Variants in UNC45A observed in about 807,000 individuals in gnomAD.
The protein encoded by UNC45A is unc-45 myosin chaperone A.
In UNC45A, 78 loss-of-function variants were observed where a neutral mutation model predicts 103.2. The ratio of observed to expected loss-of-function variants is 0.76; its 90% CI spans 0.63 to 0.91. The LOEUF (loss-of-function observed/expected upper bound fraction) is 0.91. Among genes scored for constraint, UNC45A ranks in the 40% least tolerant of loss-of-function variants. UNC45A has a pLI of 0.00. For missense variants in UNC45A, 1,193 were observed against 1,224.8 expected (o/e 0.97, Z 0.39); for synonymous variants, 495 against 504.6 (o/e 0.98, Z 0.25).
chr15:90,938,484 G>A (rs1366799163), intron 4 of UNC45A, among the ~76,000 whole-genome samples: 1 of 151,994 alleles, frequency 6.6e-6, no homozygotes, highest in Non-Finnish European at 1.5e-5. Flanking sequence ...CCTATGTTGA[G>A]AAGAATTAGG....
chr15:90,939,477 C>G (rs577391065), intron 4 of UNC45A, among the ~76,000 whole-genome samples: 1 of 152,176 alleles, frequency 6.6e-6, no homozygotes, highest in African/African-American at 2.4e-5. Context: ...ACCTCCCCTC[C>G]GAAAAGGCAC....
chr15:90,953,959 C>T lies in UNC45A; in HGVS notation c.*243C>T, dbSNP rs2037079080. On this transcript the variant is annotated 3_prime_UTR_variant, in exon 20 of 20. Transcript: ENST00000418476. Reference sequence around the variant, plus strand: ...CCTTTTTCTGTACTACTGTAGTCAGCTGGGAATGGGGAAGGTGCATCCCAA... The same window carrying T: ...CCTTTTTCTGTACTACTGTAGTCAGTTGGGAATGGGGAAGGTGCATCCCAA... 3.5e-6 allele frequency: 2 copies of T among 567,172 alleles called. No individual in the cohort carries two copies. The highest frequency in any genetic ancestry group is 6.2e-6 in the Non-Finnish European group (2 of 321,486). 35.1% of individuals were successfully genotyped at this position (567,172 alleles called of 1,614,324 possible). A position where few individuals can be genotyped will look rare whatever the true frequency, so the allele number is the denominator to read the frequency against.
Position 90,940,421 on chromosome 15 carries a change from T to G in UNC45A, c.635T>G (p.Met212Arg). ...CTGGACATGGGAGAGACTGACCTCA[T>G]GCTGGCGGCTCTGCGTACGCTGGTT... ...RLLDMGETDL[M>R]LAALRTLVGI... is the part of the protein sequence containing the mutation. The change falls in exon 6 of 20, where the codon ATG becomes AGG. Residue 212 changes from methionine (M) to arginine (R), a missense_variant. Coordinates refer to ENST00000418476, the MANE Select transcript of UNC45A (RefSeq NM_018671.5). 1 of 1,614,124 alleles carries G rather than the reference T, an allele frequency of 6.2e-7. No homozygotes were observed. The highest frequency in any genetic ancestry group is 8.5e-7 in the Non-Finnish European group (1 of 1,179,982).
chr15:90,950,340 CT>C, intron 16 of UNC45A, 73 bp downstream of exon 16: 1 of 1,511,882 alleles, frequency 6.6e-7, no homozygotes, highest in Non-Finnish European at 9.0e-7. Context: ...TGTAGCTCCC[CT>C]TTGGGACCAG....
intron 10 of UNC45A, 181 bp from the exon 11 acceptor site, chr15:90,947,615 G>A (rs2036640767): frequency 1.7e-6 from 1 of 604,930 alleles, no homozygotes; most frequent in Admixed American, 2.7e-5. Flanking sequence ...GGCCACCCCA[G>A]TAGCTGATTT....
chr15:90,936,515 G>C, intron 4 of UNC45A, 55 bp downstream of exon 4: 1 of 1,586,824 alleles, frequency 6.3e-7, no homozygotes, highest in East Asian at 2.2e-5. Flanking sequence ...AGGGGTCTGG[G>C]CCAGGGGTGT....
At chr15:90,936,885 A>G (rs1206273033) in intron 4 of UNC45A, among the ~76,000 whole-genome samples, 8 of 152,212 alleles carry the variant, frequency 5.3e-5, no homozygotes, top group Non-Finnish European at 1.0e-4. Flanking sequence ...TGTTTATTTC[A>G]GCCTTTTTTG....
chr15:90,946,438 G>A (rs946618997), intron 9 of UNC45A, among the ~76,000 whole-genome samples, 176 bp from the exon 10 acceptor site: 5 of 152,180 alleles, frequency 3.3e-5, no homozygotes, highest in East Asian at 3.8e-4. Context: ...AGTGAAAGTC[G>A]ATAAAGAAAA....
At chr15:90,945,175 G>T in intron 9 of UNC45A, 112 bp downstream of exon 9, 1 of 1,407,226 alleles carries the variant, frequency 7.1e-7, no homozygotes, top group African/African-American at 1.4e-5. Flanking sequence ...ATCTTGGGGA[G>T]GACTAGTTGG....
At position 90,953,697 on chromosome 15, in the gene UNC45A, C is replaced by G. The variant is rs764505629; in HGVS notation, c.2816C>G (p.Pro939Arg). The G allele has an allele frequency of 1.2e-6, 2 of 1,613,938 alleles. No individual in the cohort carries two copies. The highest frequency in any genetic ancestry group is 1.1e-5 in the South Asian group (1 of 91,082). ...DKAVEYGLIQ[P>R]NQDGE Reference sequence around the variant, plus strand: ...GCAGTGGAATATGGGCTTATCCAACCCAACCAAGATGGAGAGTGAGGGGGT... The same window carrying G: ...GCAGTGGAATATGGGCTTATCCAACGCAACCAAGATGGAGAGTGAGGGGGT... The change falls in exon 20 of 20, where the codon CCC (proline) becomes CGC (arginine). Residue 939 changes from proline to arginine, a missense_variant. Coordinates refer to ENST00000418476, the MANE Select transcript of UNC45A (RefSeq NM_018671.5).
At position 90,953,212 on chromosome 15, in the gene UNC45A, A is replaced by G. The variant is rs780303202; in HGVS notation, c.2479A>G (p.Ser827Gly). ...NDRLKLLVLY[S>G]GEDDELLQRA... Reference sequence around the variant, plus strand: ...CCGACTGAAGCTGCTGGTGCTGTACAGTGGAGAGGATGATGAGCTGCTACA... The same window carrying G: ...CCGACTGAAGCTGCTGGTGCTGTACGGTGGAGAGGATGATGAGCTGCTACA... The change falls in exon 19 of 20, where the codon AGT (serine) becomes GGT (glycine). Residue 827 changes from serine (S) to glycine (G), a missense_variant. Ser to Gly is a moderately conservative substitution (Grantham distance 56). Transcript: ENST00000418476. The G allele has an allele frequency of 1.2e-6, 2 of 1,613,958 alleles. No homozygotes were observed. Among genetic ancestry groups the G allele is most frequent in the Non-Finnish European group, 1.7e-6 (2 of 1,180,042 alleles).
chr15:90,940,386 G>A lies in UNC45A; in HGVS notation c.600G>A (p.Leu200=). 1 of 1,614,184 alleles carries A rather than the reference G, an allele frequency of 6.2e-7. No homozygotes were observed. The highest frequency in any genetic ancestry group is 8.5e-7 in the Non-Finnish European group (1 of 1,180,026). Residue 200 remains leucine, a synonymous_variant, in exon 6 of 20, where the codon TTG becomes TTA. Coordinates refer to ENST00000418476, the MANE Select transcript of UNC45A (RefSeq NM_018671.5). ...TCCGGAGTAATGGGGTTCAGCTCTTGCAACGTTTACTGGACATGGGAGAGA... is the reference window on the plus strand; with the variant it reads ...TCCGGAGTAATGGGGTTCAGCTCTTACAACGTTTACTGGACATGGGAGAGA... ...KIFRSNGVQL[L]QRLLDMGETD... is the part of the protein sequence containing the mutation.
At position 90,953,500 on chromosome 15, in the gene UNC45A, C is replaced by T; in HGVS notation, c.2619C>T (p.Ser873=). ...WLEILQALLL[S]SNQELQHRGA... Reference sequence around the variant, plus strand: ...AGATCCTGCAGGCCCTGCTTCTGAGCTCCAACCAGGAGCTGCAGCACCGGG... The same window carrying T: ...AGATCCTGCAGGCCCTGCTTCTGAGTTCCAACCAGGAGCTGCAGCACCGGG... Residue 873 remains serine (S), a synonymous_variant, in exon 20 of 20, where the codon AGC becomes AGT. Transcript: ENST00000418476. 9.9e-6 allele frequency: 16 copies of T among 1,614,104 alleles called. No homozygotes were observed. Among genetic ancestry groups the T allele is most frequent in the Non-Finnish European group, 1.3e-5 (15 of 1,180,050 alleles).
chr15:90,935,251 C>T (rs905212046), upstream of UNC45A: 81 of 1,431,988 alleles, frequency 5.7e-5, no homozygotes, highest in Non-Finnish European at 6.9e-5. Context: ...GGGCAGCTGC[C>T]GGTGGCGTCC....
upstream of UNC45A, chr15:90,933,273 T>G (rs2035868623): frequency 6.6e-6 from 1 of 152,314 alleles, no homozygotes; most frequent in South Asian, 2.1e-4. Context: ...GCATCTTCTG[T>G]GGGCCCCTGG....
chr15:90,942,898 C>T lies in UNC45A; in HGVS notation c.857-14C>T. 2.5e-6 allele frequency: 4 copies of T among 1,595,580 alleles called. No individual in the cohort carries two copies. The highest frequency in any genetic ancestry group is 3.4e-6 in the Non-Finnish European group (4 of 1,168,014). On this transcript the variant is annotated splice_polypyrimidine_tract_variant and intron_variant, in intron 7 of 19. Transcript: ENST00000418476. ...CTGCTGTGGAGCCCACTGATGTCTT[C>T]TTGTTGTTGCCAGATCCTGCCCGGG...
At chr15:90,944,690 T>G (rs1337706138) in intron 8 of UNC45A, among the ~76,000 whole-genome samples, 1 of 152,230 alleles carries the variant, frequency 6.6e-6, no homozygotes, top group Non-Finnish European at 1.5e-5. Context: ...AGGCCTCACT[T>G]CTGAGGTCCT....
rs550667039 is a variant in UNC45A at position 90,953,376 on chromosome 15, G to A, written c.2577+66G>A. The A allele has an allele frequency of 6.3e-6, 10 of 1,593,204 alleles. No individual in the cohort carries two copies. In the African/African-American group the frequency reaches 1.2e-4, roughly 19 times the overall value. On this transcript the variant is annotated intron_variant, in intron 19 of 19. Transcript: ENST00000418476. ...GAACTCCCAGCAGCAGCTGAAGGGG[G>A]CAGTCCTAGGGTGTGTGGGTGTGTC...
chr15:90,941,857 G>A (rs2036305007), intron 6 of UNC45A, among the ~76,000 whole-genome samples: 1 of 151,946 alleles, frequency 6.6e-6, no homozygotes, highest in Admixed American at 6.6e-5. Flanking sequence ...TACTCAGGAG[G>A]CTGAGGCAGG....
Sources: allele counts gnomAD v4.1 joint callset (sites outside exome capture counted in the v4.1 genomes callset), GRCh38; gene constraint gnomAD v4.1.1; transcripts MANE v1.5; gene names NCBI Gene and HGNC (gene_info 2026-07-23, HGNC 2026-07-21).